ASIP: variants seen among roughly 807,000 people sequenced by gnomAD.
ASIP encodes agouti-signaling protein.
ASIP carries 11 observed loss-of-function variants against 10.3 expected under a neutral mutation model. The observed-to-expected ratio is 1.07, with a 90% CI of 0.68 to 1.78. ASIP has a LOEUF of 1.78. ASIP is among the 40% of genes most tolerant of loss of function. The pLI, the probability that ASIP is intolerant of heterozygous loss-of-function variation, is 0.00. For missense variants in ASIP, 180 were observed against 169.2 expected (o/e 1.06, Z -0.35); for synonymous variants, 70 against 70.8 (o/e 0.99, Z 0.06).
chr20:34,222,776 T>A (rs1601578162), intron 1 of ASIP, among the ~76,000 whole-genome samples: 1 of 150,420 alleles, frequency 6.6e-6, no homozygotes, highest in African/African-American at 2.4e-5. Flanking sequence ...GTGCCTGCAA[T>A]TGCAGGCACG....
rs561141950 is a variant in ASIP, at chr20:34,256,478, AT to A, written c.-10-3881del. On this transcript the variant is annotated intron_variant, in intron 1 of 3. Coordinates refer to ENST00000374954, the MANE Select transcript of ASIP (RefSeq NM_001672.3). ...ATAACACCCGGCTAATTTTTTAAAA[AT>A]TTTTTGTAGAGATGAGGTCTCTCTA... 3.3e-3 allele frequency among the ~76,000 whole-genome samples: 501 copies of A among 152,230 alleles called. 1 individual carries two copies. Among genetic ancestry groups the A allele is most frequent in the Non-Finnish European group, 4.7e-3 (320 of 68,004 alleles).
chr20:34,259,464 G>A (rs763310619), intron 1 of ASIP, among the ~76,000 whole-genome samples: 1 of 152,100 alleles, frequency 6.6e-6, no homozygotes, highest in African/African-American at 2.4e-5. Context: ...AGTGAGCCAA[G>A]ATCGTGCCAC....
At chr20:34,250,932 A>G (rs1310741222) in intron 1 of ASIP, among the ~76,000 whole-genome samples, 1 of 152,120 alleles carries the variant, frequency 6.6e-6, no homozygotes, top group Non-Finnish European at 1.5e-5. Flanking sequence ...CAGGACGCTG[A>G]GTGTACCCTA....
At chr20:34,214,154 T>C (rs2034992445) in intron 1 of ASIP, 7 of 1,180,468 alleles carry the variant, frequency 5.9e-6, no homozygotes, top group Middle Eastern at 1.9e-4. Context: ...ATAAATCTTG[T>C]ATTCTATTCA....
chr20:34,215,917 C>T (rs1458077568), intron 1 of ASIP: 1 of 855,018 alleles, frequency 1.2e-6, no homozygotes, highest in Non-Finnish European at 2.0e-6. Flanking sequence ...TTGGAGTTTT[C>T]TGGTTATAAT....
intron 1 of ASIP, among the ~76,000 whole-genome samples, chr20:34,253,446 AT>A (rs200433598): frequency 0.11 from 12,586 of 111,810 alleles, 1,702 homozygotes; most frequent in African/African-American, 0.48. Flanking sequence ...TTTTTATTTT[AT>A]TTTATTTATT....
chr20:34,215,804 A>T, intron 1 of ASIP: 1 of 1,539,922 alleles, frequency 6.5e-7, no homozygotes. Flanking sequence ...ATCTGGGGAA[A>T]TCTTTAACTG....
At chr20:34,191,477 C>CT (rs1264866541), upstream of ASIP, among the ~76,000 whole-genome samples, 1 of 152,148 alleles carries the variant, frequency 6.6e-6, no homozygotes, top group African/African-American at 2.4e-5. Context: ...TGTGGGAGGC[C>CT]TGGAGCAGGA....
At chr20:34,241,517 C>T (rs187021981) in intron 1 of ASIP, 28 bp downstream of exon 1, 1 of 985,428 alleles carries the variant, frequency 1.0e-6, no homozygotes, top group East Asian at 1.1e-4. Flanking sequence ...CTTTAATCTG[C>T]TTTCAGGAGT....
At chr20:34,222,290 A>G (rs74975711) in intron 1 of ASIP, among the ~76,000 whole-genome samples, 3 of 151,842 alleles carry the variant, frequency 2.0e-5, no homozygotes, top group South Asian at 2.1e-4. Flanking sequence ...AAAAAAAAAA[A>G]GGCTACAGAT....
At chr20:34,217,445 G>GA (rs1283149156) in intron 1 of ASIP, among the ~76,000 whole-genome samples, 1 of 150,998 alleles carries the variant, frequency 6.6e-6, no homozygotes, top group Non-Finnish European at 1.5e-5. Context: ...CTCAAAAAAA[G>GA]AAAAAAAGAA....
chr20:34,257,279 C>T (rs1386749904), intron 1 of ASIP, among the ~76,000 whole-genome samples: 3 of 151,808 alleles, frequency 2.0e-5, no homozygotes, highest in African/African-American at 4.8e-5. Context: ...TTAGTAGAAA[C>T]GGGGTTTCAC....
chr20:34,246,172 C>G (rs919470621), intron 1 of ASIP: 1 of 1,106,602 alleles, frequency 9.0e-7, no homozygotes, highest in African/African-American at 1.6e-5. Context: ...CATGTTTCTT[C>G]TTTGCTCTAG....
chr20:34,192,463 G>A (rs912817546), upstream of ASIP, among the ~76,000 whole-genome samples: 40 of 152,068 alleles, frequency 2.6e-4, no homozygotes, highest in African/African-American at 7.0e-4. Context: ...GCCACCACAC[G>A]CAGCTCAATT....
At chr20:34,213,984 C>T in intron 1 of ASIP, 1 of 1,578,042 alleles carries the variant, frequency 6.3e-7, no homozygotes, top group Non-Finnish European at 8.6e-7. Context: ...GAATTTTAAA[C>T]TTCTCCATTA....
chr20:34,235,902 GGAA>G (rs2035194013), intron 1 of ASIP, among the ~76,000 whole-genome samples: 1 of 82,904 alleles, frequency 1.2e-5, no homozygotes, highest in African/African-American at 9.0e-5. Context: ...AGGAAGGAAA[GGAA>G]GGAAGGAAGG....
Position 34,261,402 on chromosome 20 carries a change from G to A in ASIP, c.160+868G>A, listed in dbSNP as rs2035688557. On this transcript the variant is annotated intron_variant, in intron 2 of 3. Coordinates refer to ENST00000374954, the MANE Select transcript of ASIP (RefSeq NM_001672.3). ...TAATCCCAGCACTTTCGTAGGCTGA[G>A]GCGGGCAGATCTCTTGAGCTCAGGT... 3.9e-5 allele frequency among the ~76,000 whole-genome samples: 6 copies of A among 152,230 alleles called. No homozygotes were observed. In the South Asian group the frequency reaches 1.2e-3, roughly 32 times the overall value.
At chr20:34,259,704 TATGCCAC>T (rs923391255) in intron 1 of ASIP, among the ~76,000 whole-genome samples, 1 of 151,514 alleles carries the variant, frequency 6.6e-6, no homozygotes, top group African/African-American at 2.4e-5. Context: ...GAGCCGAGAT[TATGCCAC>T]TGCACTCTAG....
chr20:34,265,987 G>A (rs574651708), intron 3 of ASIP, among the ~76,000 whole-genome samples: 2 of 152,118 alleles, frequency 1.3e-5, no homozygotes, highest in Admixed American at 1.3e-4. Flanking sequence ...TTAAAACATT[G>A]TTAGTAAATT....
Sources: gnomAD v4.1 joint callset for allele counts (sites outside exome capture counted in the v4.1 genomes callset) on GRCh38, gnomAD v4.1.1 for gene constraint, MANE v1.5 for transcripts, NCBI Gene and HGNC (gene_info 2026-07-23, HGNC 2026-07-21) for gene names.